The following ALDH1A1 variants were observed in gnomAD, a reference collection of about 807,000 sequenced individuals.
ALDH1A1 encodes aldehyde dehydrogenase 1A1.
ALDH1A1 carries 19 observed loss-of-function variants against 62.1 expected under a neutral mutation model. The ratio of observed to expected loss-of-function variants is 0.31; its 90% CI spans 0.21 to 0.45. The LOEUF is 0.45. Ranked by LOEUF, ALDH1A1 falls within the 20% of genes least tolerant of loss-of-function variation. The pLI, the probability that ALDH1A1 is intolerant of heterozygous loss-of-function variation, is 1.00. For missense variants in ALDH1A1, 521 were observed against 607.1 expected, an observed-to-expected ratio of 0.86 and a Z score of 1.49; for synonymous variants, 231 against 215.9, an observed-to-expected ratio of 1.07 and a Z score of -0.61.
chr9:72,929,211 AG>A (rs894231085), intron 3 of ALDH1A1, among the ~76,000 whole-genome samples, 190 bp from the exon 4 acceptor site: 5 of 152,310 alleles, frequency 3.3e-5, no homozygotes, highest in African/African-American at 1.2e-4. Context: ...CTGGGCACAA[AG>A]GGTAGTGAGA....
At chr9:72,923,953 A>T in intron 7 of ALDH1A1, 66 bp downstream of exon 7, 1 of 1,128,662 alleles carries the variant, frequency 8.9e-7, no homozygotes, top group East Asian at 2.5e-5. Flanking sequence ...AAATAGTTAC[A>T]TAAAACATAC....
chr9:72,902,816 A>G (rs760920592), intron 12 of ALDH1A1, among the ~76,000 whole-genome samples: 56 of 151,976 alleles, frequency 3.7e-4, no homozygotes, highest in Non-Finnish European at 2.4e-4. Context: ...TACTGTTTGT[A>G]TACTTCTAAA....
chr9:72,925,545 A>T lies in ALDH1A1; in HGVS notation c.572T>A (p.Val191Asp). ...GPALSCGNTVVVKPAEQTPLT... is the reference protein window; with the variant it reads ...GPALSCGNTVDVKPAEQTPLT... ...AGGAGTTTGCTCTGCTGGTTTGACA[A>T]CCACTGTGTTTCCACAGCTCAGTGC... is the stretch of plus-strand genomic sequence containing the variant. Residue 191 changes from valine (V) to aspartate (D), a missense_variant, in exon 6 of 13, where the codon GTT becomes GAT. Val to Asp is a radical substitution (Grantham distance 152). Transcript: ENST00000297785. The T allele has an allele frequency of 6.2e-7, 1 of 1,614,040 alleles. No homozygotes were observed. Among genetic ancestry groups the T allele is most frequent in the Non-Finnish European group, 8.5e-7 (1 of 1,179,914 alleles).
At chr9:72,924,339 C>T (rs534718912) in intron 6 of ALDH1A1, among the ~76,000 whole-genome samples, 11 of 152,104 alleles carry the variant, frequency 7.2e-5, no homozygotes, top group African/African-American at 1.9e-4. Flanking sequence ...TATTAAAGGA[C>T]AATTTCTTGT....
At chr9:72,918,466 C>T (rs957765815) in intron 8 of ALDH1A1, among the ~76,000 whole-genome samples, 5 of 152,082 alleles carry the variant, frequency 3.3e-5, no homozygotes, top group African/African-American at 1.2e-4. Flanking sequence ...ATGTTTACAT[C>T]ATCTAGGGTT....
Position 72,925,628 on chromosome 9 carries a change from T to C in ALDH1A1, c.505-16A>G. Reference sequence around the variant, plus strand: ...GGAAATTCCACTAGAAAGCAATATGTAACAATAGATTCTTTGTATTGCAAA... The same window carrying C: ...GGAAATTCCACTAGAAAGCAATATGCAACAATAGATTCTTTGTATTGCAAA... On this transcript the variant is annotated splice_polypyrimidine_tract_variant and intron_variant, in intron 5 of 12. Coordinates refer to ENST00000297785, the MANE Select transcript of ALDH1A1 (RefSeq NM_000689.5). The C allele has an allele frequency of 6.2e-7, 1 of 1,610,174 alleles. No homozygotes were observed.
chr9:72,924,041 A>G lies in ALDH1A1; in HGVS notation c.725T>C (p.Val242Ala), dbSNP rs1299075169. The G allele has an allele frequency of 4.4e-6, 7 of 1,608,070 alleles. No individual in the cohort carries two copies. The South Asian group carries it at 7.8e-5, about 18-fold the overall frequency. ...TACCTCTGTTGATCCTGTGAAGGCT[A>G]CTTTGTCTATATCCATGTGAGAAGA... is the stretch of plus-strand genomic sequence containing the variant. ...AISSHMDIDK[V>A]AFTGSTEVGK... The change falls in exon 7 of 13, where the codon GTA (valine) becomes GCA (alanine). Residue 242 changes from valine to alanine, a missense_variant. By Grantham distance (64) the Val-to-Ala change is moderately conservative. Transcript: ENST00000297785.
chr9:72,925,899 G>A (rs78094588), intron 5 of ALDH1A1, among the ~76,000 whole-genome samples: 2,824 of 152,214 alleles, frequency 0.019, 46 homozygotes, highest in South Asian at 0.07. Flanking sequence ...GCATGGTTTG[G>A]CTTATTATGG....
intron 2 of ALDH1A1, among the ~76,000 whole-genome samples, chr9:72,934,939 ATACTG>A (rs1830330128): frequency 8.8e-6 from 1 of 113,826 alleles, no homozygotes; most frequent in Non-Finnish European, 2.2e-5. Context: ...CAACAAATAT[ATACTG>A]CTATTTGTTT....
intron 9 of ALDH1A1, among the ~76,000 whole-genome samples, chr9:72,916,431 G>A (rs906399998): frequency 6.6e-6 from 1 of 152,124 alleles, no homozygotes; most frequent in Non-Finnish European, 1.5e-5. Flanking sequence ...GAAGTTTGCC[G>A]CAAAGGAAAC....
intron 7 of ALDH1A1, among the ~76,000 whole-genome samples, chr9:72,922,065 T>A (rs1830152589): frequency 6.6e-6 from 1 of 151,812 alleles, no homozygotes; most frequent in South Asian, 2.1e-4. Context: ...GAAAAAGAAA[T>A]ATTGGGACAG....
intron 1 of ALDH1A1, among the ~76,000 whole-genome samples, chr9:72,943,262 G>A (rs1200254957): frequency 3.3e-5 from 5 of 152,062 alleles, no homozygotes; most frequent in East Asian, 1.9e-4. Context: ...GTTCTCGCCC[G>A]AGTCCTCTTA....
At chr9:72,924,194 G>A in intron 6 of ALDH1A1, 62 bp from the exon 7 acceptor site, 1 of 1,233,504 alleles carries the variant, frequency 8.1e-7, no homozygotes, top group Non-Finnish European at 1.1e-6. Context: ...GAGGAGAGTA[G>A]GGGATTGAGA....
intron 1 of ALDH1A1, among the ~76,000 whole-genome samples, chr9:72,946,748 C>T (rs369666808): frequency 1.3e-5 from 2 of 151,844 alleles, no homozygotes; most frequent in Non-Finnish European, 2.9e-5. Flanking sequence ...AAGTGCACCC[C>T]CCCACACCAC....
intron 5 of ALDH1A1, among the ~76,000 whole-genome samples, chr9:72,925,850 C>A (rs1335439033): frequency 1.3e-5 from 2 of 151,858 alleles, no homozygotes; most frequent in Non-Finnish European, 2.9e-5. Context: ...TAATCAAGTA[C>A]TGTTGAGTTC....
At chr9:72,937,563 T>C (rs965428451) in intron 2 of ALDH1A1, among the ~76,000 whole-genome samples, 1 of 152,158 alleles carries the variant, frequency 6.6e-6, no homozygotes, top group Non-Finnish European at 1.5e-5. Flanking sequence ...CAAAGAAGGT[T>C]AAGTACAAAC....
At chr9:72,908,619 GAAA>G (rs1829934518) in intron 11 of ALDH1A1, among the ~76,000 whole-genome samples, 1 of 103,754 alleles carries the variant, frequency 9.6e-6, no homozygotes, top group Non-Finnish European at 2.1e-5. Flanking sequence ...AAGAAAGAAA[GAAA>G]GAAAGAGAAT....
intron 1 of ALDH1A1, among the ~76,000 whole-genome samples, chr9:72,946,185 GA>G (rs1479951649): frequency 6.6e-6 from 1 of 151,988 alleles, no homozygotes; most frequent in Non-Finnish European, 1.5e-5. Flanking sequence ...GCAGTATCAA[GA>G]CCTAGTAATA....
At chr9:72,916,500 A>G (rs1442719795) in intron 9 of ALDH1A1, among the ~76,000 whole-genome samples, 1 of 152,154 alleles carries the variant, frequency 6.6e-6, no homozygotes, top group Non-Finnish European at 1.5e-5. Context: ...GATGACTTGC[A>G]GAGGATTTAG....
Sources: allele counts gnomAD v4.1 joint callset (sites outside exome capture counted in the v4.1 genomes callset), GRCh38; gene constraint gnomAD v4.1.1; transcripts MANE v1.5; gene names NCBI Gene and HGNC (gene_info 2026-07-23, HGNC 2026-07-21).